KIDINS220: variants seen among roughly 807,000 people sequenced by gnomAD.
KIDINS220 encodes the protein kinase D interacting substrate 220.
A neutral mutation model predicts 157.6 loss-of-function variants in KIDINS220; 63 were observed. That is an observed-to-expected ratio of 0.40 (90% CI 0.33 to 0.49). The LOEUF (loss-of-function observed/expected upper bound fraction) is 0.49, where lower values mean the gene tolerates loss of function less well. Ranked by LOEUF, KIDINS220 falls within the 20% of genes least tolerant of loss-of-function variation. The pLI is 0.66. For missense variants in KIDINS220, 1,772 were observed against 2,171.2 expected, an observed-to-expected ratio of 0.82 and a Z score of 3.65; for synonymous variants, 732 against 783.6, an observed-to-expected ratio of 0.93 and a Z score of 1.10.
At chr2:8,833,592 C>T (rs747749508) in intron 1 of KIDINS220, among the ~76,000 whole-genome samples, 13 of 148,602 alleles carry the variant, frequency 8.7e-5, no homozygotes, top group Non-Finnish European at 1.6e-4. Flanking sequence ...TATTTTCTTT[C>T]GTTCTATACC....
intron 26 of KIDINS220, among the ~76,000 whole-genome samples, chr2:8,744,401 A>ATCTAT (rs57838968): frequency 1.7e-3 from 12 of 7,030 alleles, no homozygotes; most frequent in Middle Eastern, 0.25. Context: ...ATATATATAT[A>ATCTAT]ATATATATAT....
Position 8,733,638 on chromosome 2 carries a change from C to A in KIDINS220, c.3859G>T (p.Asp1287Tyr). The change falls in exon 29 of 30, where the codon GAC becomes TAC. Residue 1287 changes from aspartate to tyrosine, a missense_variant. This residue lies in a region of KIDINS220 where 793 missense variants were observed against 885.5 expected (regional missense o/e 0.90). Coordinates refer to ENST00000256707, the MANE Select transcript of KIDINS220 (RefSeq NM_020738.4). ...CTGCTCTCACTGAGGAAACGTGGGT[C>A]TTCAGGGACCACGTGGCTTTCTGCG... Reference protein sequence around the residue: ...RNAESHVVPEDPRFLSESSSG... With the variant: ...RNAESHVVPEYPRFLSESSSG... The A allele has an allele frequency of 6.2e-7, 1 of 1,601,720 alleles. No homozygotes were observed. The highest frequency in any genetic ancestry group is 1.1e-5 in the South Asian group (1 of 89,950).
chr2:8,822,085 G>A (rs753700207), intron 2 of KIDINS220, among the ~76,000 whole-genome samples: 6 of 152,146 alleles, frequency 3.9e-5, no homozygotes, highest in Middle Eastern at 3.4e-3. Context: ...AGAACACTAC[G>A]CACCTACTGA....
chr2:8,761,288 C>A (rs1558365053), intron 22 of KIDINS220, among the ~76,000 whole-genome samples: 1 of 152,128 alleles, frequency 6.6e-6, no homozygotes, highest in Non-Finnish European at 1.5e-5. Flanking sequence ...AGGCTCTGAA[C>A]TCAAAGTAGA....
chr2:8,819,177 TTA>T (rs1230801176), intron 2 of KIDINS220, among the ~76,000 whole-genome samples: 1 of 152,178 alleles, frequency 6.6e-6, no homozygotes, highest in Non-Finnish European at 1.5e-5. Context: ...GTGTTTTTAA[TTA>T]TATATATGTT....
At chr2:8,721,917 C>T (rs907115243), downstream of KIDINS220, 1 of 152,108 alleles carries the variant, frequency 6.6e-6, no homozygotes, top group Non-Finnish European at 1.5e-5. Flanking sequence ...TGTTCAAACA[C>T]GGCAAGCCAT....
In KIDINS220 at chr2:8,786,001, G is replaced by A. The variant is rs377758428; in HGVS notation, c.1969C>T (p.Leu657Phe). ...AAAAGGAAGATGACAAAAGATGGGAGACAACATGTTTTTTTCCATTTCTTT... is the reference window on the plus strand; with the variant it reads ...AAAAGGAAGATGACAAAAGATGGGAAACAACATGTTTTTTTCCATTTCTTT... ...GKKKWKKTCC[L>F]PSFVIFLFII... The change falls in exon 17 of 30, where the codon CTC becomes TTC. Residue 657 changes from leucine to phenylalanine, a missense_variant. By Grantham distance (22) the Leu-to-Phe change is conservative. Transcript: ENST00000256707. 1.2e-6 allele frequency: 2 copies of A among 1,609,446 alleles called. No homozygotes were observed. Among genetic ancestry groups the A allele is most frequent in the African/African-American group, 1.3e-5 (1 of 74,718 alleles).
Position 8,827,031 on chromosome 2 carries a change from C to G in KIDINS220, c.63G>C (p.Leu21=), listed in dbSNP as rs1678912361. 1.2e-6 allele frequency: 2 copies of G among 1,610,390 alleles called. No homozygotes were observed. Among genetic ancestry groups the G allele is most frequent in the South Asian group, 2.2e-5 (2 of 90,658 alleles). Residue 21 remains leucine (L), a synonymous_variant, in exon 2 of 30, where the codon CTG becomes CTC. Coordinates refer to ENST00000256707, the MANE Select transcript of KIDINS220 (RefSeq NM_020738.4). ...CTTTGCATTTTTCAAGAAGAGCTTT[C>G]AGAGCAGGAATGTTTTCTTCCTCTA... ...NYVEEENIPA[L]KALLEKCKDV... is the part of the protein sequence containing the mutation.
intron 24 of KIDINS220, chr2:8,749,400 C>T: frequency 2.2e-6 from 1 of 455,822 alleles, no homozygotes; most frequent in South Asian, 1.6e-5. Context: ...AAAGTGTAAC[C>T]CCAGGTTCAT....
intron 22 of KIDINS220, among the ~76,000 whole-genome samples, chr2:8,765,893 T>C (rs12987134): frequency 0.29 from 43,953 of 151,906 alleles, 6,566 homozygotes; most frequent in Middle Eastern, 0.35. Flanking sequence ...ATCTTTACTG[T>C]GGGATAGCCA....
chr2:8,804,229 T>C (rs773297932), intron 7 of KIDINS220, among the ~76,000 whole-genome samples: 39 of 152,360 alleles, frequency 2.6e-4, no homozygotes, highest in Middle Eastern at 3.4e-3. Flanking sequence ...AACTGGTTGA[T>C]AGTGTGCCAA....
intron 3 of KIDINS220, 25 bp downstream of exon 3, chr2:8,818,670 A>T (rs200658649): frequency 1.7e-5 from 22 of 1,302,192 alleles, no homozygotes; most frequent in Middle Eastern, 3.9e-4. Flanking sequence ...TGAGTAAATG[A>T]TGAGTAAATT....
chr2:8,820,306 C>T (rs777073046), intron 2 of KIDINS220, among the ~76,000 whole-genome samples: 16 of 152,166 alleles, frequency 1.1e-4, no homozygotes, highest in Non-Finnish European at 1.9e-4. Flanking sequence ...CTCCCCTAAA[C>T]GCCGGGAAAC....
At chr2:8,777,599 C>T (rs1002843859) in intron 20 of KIDINS220, among the ~76,000 whole-genome samples, 1 of 152,178 alleles carries the variant, frequency 6.6e-6, no homozygotes, top group Non-Finnish European at 1.5e-5. Context: ...TGCACCTGGC[C>T]TGATGTTTAG....
intron 6 of KIDINS220, among the ~76,000 whole-genome samples, chr2:8,812,104 G>C (rs1482173005): frequency 6.6e-6 from 1 of 152,204 alleles, no homozygotes; most frequent in African/African-American, 2.4e-5. Context: ...ACTGAATGTA[G>C]GAAGGAGAGT....
intron 22 of KIDINS220, among the ~76,000 whole-genome samples, chr2:8,762,763 G>A (rs1340478415): frequency 6.6e-6 from 1 of 151,794 alleles, no homozygotes; most frequent in Non-Finnish European, 1.5e-5. Context: ...AAGAAGAAAA[G>A]AAAAGAAAAC....
At chr2:8,781,391 A>G (rs531293057) in intron 17 of KIDINS220, among the ~76,000 whole-genome samples, 3 of 151,918 alleles carry the variant, frequency 2.0e-5, no homozygotes, top group Non-Finnish European at 2.9e-5. Context: ...GTTCAGCTCA[A>G]CAACACCATC....
chr2:8,746,995 T>C, intron 26 of KIDINS220, 150 bp downstream of exon 26: 1 of 600,670 alleles, frequency 1.7e-6, no homozygotes, highest in Non-Finnish European at 3.0e-6. Flanking sequence ...TCAGGAACCA[T>C]AATTATTAGC....
chr2:8,754,197 C>T (rs1667721640), intron 22 of KIDINS220, among the ~76,000 whole-genome samples: 1 of 152,216 alleles, frequency 6.6e-6, no homozygotes, highest in Non-Finnish European at 1.5e-5. Context: ...GCCAGCTCTG[C>T]TTCTGCCTGA....
Sources: allele counts gnomAD v4.1 joint callset (sites outside exome capture counted in the v4.1 genomes callset), GRCh38; gene constraint gnomAD v4.1.1; regional missense constraint gnomAD v4.1.1; transcripts MANE v1.5; gene names NCBI Gene and HGNC (gene_info 2026-07-23, HGNC 2026-07-21).